Variants in STEAP3 observed in about 807,000 individuals in gnomAD.
The protein encoded by STEAP3 is metalloreductase STEAP3.
In STEAP3, 35 loss-of-function variants were observed where a neutral mutation model predicts 34.9. That is an observed-to-expected ratio of 1.00 (90% CI 0.76 to 1.33). The LOEUF is 1.33. Ranked by LOEUF, STEAP3 falls within the 40% of genes most tolerant of loss-of-function variation. STEAP3 has a pLI of 0.00. For synonymous variants in STEAP3, 281 were observed against 301.6 expected (o/e 0.93, Z 0.71); for missense variants, 652 against 667.6 (o/e 0.98, Z 0.26).
At chr2:119,253,795 T>G (rs1209942054) in intron 4 of STEAP3, among the ~76,000 whole-genome samples, 2 of 151,780 alleles carry the variant, frequency 1.3e-5, no homozygotes, top group Non-Finnish European at 2.9e-5. Flanking sequence ...TCATAGGGGC[T>G]CCCCAATTTA....
chr2:119,257,720 G>A lies in STEAP3; in HGVS notation c.1215+2872G>A, dbSNP rs969628482. 7.8e-5 allele frequency: 108 copies of A among 1,390,094 alleles called. No homozygotes were observed. In the South Asian group the frequency reaches 1.3e-3, roughly 17 times the overall value. 86.1% of individuals were successfully genotyped at this position (1,390,094 alleles called of 1,614,324 possible). The stretch of plus-strand genomic sequence containing the variant: ...TGCAACCTTCTCCTTTAAAGTTAGC[G>A]TGGCTAGTGAGAAGTTACCTGAGCC... On this transcript the variant is annotated intron_variant, in intron 5 of 5. Transcript: ENST00000393110.
chr2:119,253,119 A>G (rs1260169600), intron 4 of STEAP3, among the ~76,000 whole-genome samples: 2 of 152,228 alleles, frequency 1.3e-5, no homozygotes, highest in Non-Finnish European at 2.9e-5. Flanking sequence ...CTTCAACCAC[A>G]GCAGGCACAT....
Position 119,245,955 on chromosome 2 carries a change from C to T in STEAP3, c.489C>T (p.Thr163=), listed in dbSNP as rs779448860. 6.8e-6 allele frequency: 11 copies of T among 1,613,428 alleles called. No individual in the cohort carries two copies. The highest frequency in any genetic ancestry group is 2.2e-5 in the South Asian group (2 of 91,078). ...CCTTCAATGTCATCTCTGCCTGGAC[C>T]CTGCAGGCTGGCCCAAGGGATGGTA... ...VKAFNVISAW[T]LQAGPRDGNR... Residue 163 remains threonine, a synonymous_variant, in exon 3 of 6, where the codon ACC becomes ACT. Transcript: ENST00000393110.
In STEAP3 at chr2:119,254,866, C is replaced by G; in HGVS notation, c.1215+18C>G. The G allele has an allele frequency of 1.2e-6, 2 of 1,611,414 alleles. No homozygotes were observed. The highest frequency in any genetic ancestry group is 2.2e-5 in the South Asian group (2 of 90,678). On this transcript the variant is annotated intron_variant, in intron 5 of 5. Transcript: ENST00000393110. ...TCGTTCAGGTAAAGTAGTCTCTAGT[C>G]TGCCAGCCAGCTTCAGCGTGGCCCT...
chr2:119,244,044 T>C (rs910616732), intron 2 of STEAP3, among the ~76,000 whole-genome samples: 3 of 152,188 alleles, frequency 2.0e-5, no homozygotes, highest in Non-Finnish European at 4.4e-5. Context: ...ATAATGTTCT[T>C]ACATGCACCA....
chr2:119,224,060 C>A (rs915310729), intron 1 of STEAP3, among the ~76,000 whole-genome samples, 172 bp downstream of exon 1: 1 of 152,230 alleles, frequency 6.6e-6, no homozygotes, highest in African/African-American at 2.4e-5. Flanking sequence ...GGCAGAGAAA[C>A]CGGGTTCCGG....
At chr2:119,262,846 C>T (rs186291247) in intron 5 of STEAP3, among the ~76,000 whole-genome samples, 36 of 152,258 alleles carry the variant, frequency 2.4e-4, no homozygotes, top group Admixed American at 2.4e-3. Flanking sequence ...AGCATTATTC[C>T]CATTTTCCTG....
intron 5 of STEAP3, chr2:119,257,813 G>A (rs1039671975): frequency 1.3e-5 from 15 of 1,145,546 alleles, no homozygotes; most frequent in Non-Finnish European, 1.7e-5. Flanking sequence ...TGGTTCTTGA[G>A]GGGCCTTGGC....
At chr2:119,254,982 C>G (rs889076295) in intron 5 of STEAP3, 134 bp downstream of exon 5, 26 of 1,149,990 alleles carry the variant, frequency 2.3e-5, no homozygotes, top group Non-Finnish European at 2.7e-5. Context: ...AGATGCCAGG[C>G]CTTCCTGACC....
chr2:119,257,636 G>T, intron 5 of STEAP3: 1 of 1,481,312 alleles, frequency 6.8e-7, no homozygotes, highest in Non-Finnish European at 9.0e-7. Flanking sequence ...ATTTGAGCTG[G>T]ACACGTTAAA....
chr2:119,231,127 G>A, intron 2 of STEAP3, 93 bp downstream of exon 2: 1 of 1,557,912 alleles, frequency 6.4e-7, no homozygotes, highest in Non-Finnish European at 8.8e-7. Context: ...TGCCCTGCTG[G>A]AGGGTGCCCC....
Position 119,231,048 on chromosome 2 carries a change from G to T in STEAP3, c.22+14G>T, listed in dbSNP as rs185348591. The T allele has an allele frequency of 9.7e-5, 156 of 1,614,166 alleles. No homozygotes were observed. The African/African-American group carries it at 1.8e-3, about 18-fold the overall frequency. ...AGCCTGCTGTTGGTAAGTCTGGCTA[G>T]GACGCAGATCCAAGGGGGCATGGGT... On this transcript the variant is annotated intron_variant, in intron 2 of 5. Transcript: ENST00000393110.
rs115268932 is a variant in STEAP3, at chr2:119,233,009, C to A, written c.22+1975C>A. Among the ~76,000 whole-genome samples the A allele has an allele frequency of 7.5e-3, 1,140 of 152,336 alleles. 35 individuals carry two copies. In the South Asian group the frequency reaches 0.088, roughly 12 times the overall value. Reference sequence around the variant, plus strand: ...GCCTATAACCTAAGCAGAAAGCAAGCAAGAGCTTTGGGTGGGAAGTGGCCA... The same window carrying A: ...GCCTATAACCTAAGCAGAAAGCAAGAAAGAGCTTTGGGTGGGAAGTGGCCA... On this transcript the variant is annotated intron_variant, in intron 2 of 5. Coordinates refer to ENST00000393110, the MANE Select transcript of STEAP3 (RefSeq NM_182915.3).
chr2:119,233,317 T>C (rs945403537), intron 2 of STEAP3, among the ~76,000 whole-genome samples: 1 of 152,232 alleles, frequency 6.6e-6, no homozygotes, highest in African/African-American at 2.4e-5. Context: ...TCTGCAGCAG[T>C]CTCTTTGTTA....
At chr2:119,238,790 A>G (rs1465015757) in intron 2 of STEAP3, among the ~76,000 whole-genome samples, 1 of 152,112 alleles carries the variant, frequency 6.6e-6, no homozygotes, top group Non-Finnish European at 1.5e-5. Flanking sequence ...CTGGATGAGG[A>G]TCTGATTTTG....
chr2:119,225,301 G>A (rs1182196894), intron 1 of STEAP3, among the ~76,000 whole-genome samples: 1 of 152,252 alleles, frequency 6.6e-6, no homozygotes, highest in African/African-American at 2.4e-5. Context: ...GCGGGGTGGG[G>A]TAGATGGTGT....
At chr2:119,230,312 T>C (rs1406283852) in intron 1 of STEAP3, among the ~76,000 whole-genome samples, 4 of 152,138 alleles carry the variant, frequency 2.6e-5, no homozygotes, top group Non-Finnish European at 5.9e-5. Context: ...TCAGCCCCCG[T>C]CCATGCTTTG....
intron 5 of STEAP3, among the ~76,000 whole-genome samples, chr2:119,257,205 G>A (rs951161996): frequency 3.9e-5 from 6 of 152,254 alleles, no homozygotes; most frequent in East Asian, 1.9e-4. Flanking sequence ...GCATGGTGTC[G>A]GGATACTTTT....
chr2:119,253,712 C>A (rs838076), intron 4 of STEAP3, among the ~76,000 whole-genome samples: 2,122 of 152,198 alleles, frequency 0.014, 32 homozygotes, highest in Non-Finnish European at 0.024. Context: ...GGGCACTATG[C>A]GAGTGAGTGT....
Sources: allele counts gnomAD v4.1 joint callset (sites outside exome capture counted in the v4.1 genomes callset), GRCh38; gene constraint gnomAD v4.1.1; transcripts MANE v1.5; gene names NCBI Gene and HGNC (gene_info 2026-07-23, HGNC 2026-07-21).